Variants in COL14A1 observed in about 807,000 individuals in gnomAD.
COL14A1 encodes the protein collagen type XIV alpha 1 chain.
COL14A1 carries 136 observed loss-of-function variants against 230.3 expected under a neutral mutation model. The ratio of observed to expected loss-of-function variants is 0.59; its 90% CI spans 0.51 to 0.68. The LOEUF (loss-of-function observed/expected upper bound fraction) is 0.68, where lower values mean the gene tolerates loss of function less well. Ranked by LOEUF, COL14A1 falls within the 30% of genes least tolerant of loss-of-function variation. The probability of loss-of-function intolerance (pLI) is 0.00; values close to 1 mark genes in which losing one functional copy is unlikely to be tolerated. For missense variants in COL14A1, 1,976 were observed against 2,215.8 expected, an observed-to-expected ratio of 0.89 and a Z score of 2.17; for synonymous variants, 792 against 784.1, an observed-to-expected ratio of 1.01 and a Z score of -0.17.
At chr8:120,313,849 A>T in intron 37 of COL14A1, 83 bp from the exon 38 acceptor site, 1 of 833,798 alleles carries the variant, frequency 1.2e-6, no homozygotes, top group Non-Finnish European at 1.9e-6. Flanking sequence ...AAAACAAATT[A>T]TAATTGTCCT....
intron 40 of COL14A1, among the ~76,000 whole-genome samples, chr8:120,331,069 C>T (rs1227434928): frequency 1.0e-4 from 15 of 143,808 alleles, no homozygotes; most frequent in Admixed American, 1.0e-3. Context: ...CGTGCCATTG[C>T]ACTCCAGCCT....
chr8:120,256,030 C>T (rs1563400), intron 23 of COL14A1, among the ~76,000 whole-genome samples: 98,004 of 151,914 alleles, frequency 0.65, 32,401 homozygotes, highest in African/African-American at 0.78. Context: ...CTTTTCCCAA[C>T]ATCAGCATGG....
At chr8:120,190,024 G>A (rs1002836082) in intron 5 of COL14A1, among the ~76,000 whole-genome samples, 1 of 150,436 alleles carries the variant, frequency 6.6e-6, no homozygotes, top group Non-Finnish European at 1.5e-5. Flanking sequence ...TGGGTCAAAT[G>A]GTATTTCTAG....
Position 120,243,886 on chromosome 8 carries a change from T to C in COL14A1, c.2357T>C (p.Val786Ala). The C allele has an allele frequency of 6.2e-7, 1 of 1,613,186 alleles. No homozygotes were observed. Among genetic ancestry groups the C allele is most frequent in the Non-Finnish European group, 8.5e-7 (1 of 1,179,406 alleles). Reference sequence around the variant, plus strand: ...CTTTGCTTTTTTGTTCAGGTTATGGTGCCTGGAAGCCAGAACAACCTCCTT... The same window carrying C: ...CTTTGCTTTTTTGTTCAGGTTATGGCGCCTGGAAGCCAGAACAACCTCCTT... The part of the protein sequence containing the change: ...PEEEVIGTVM[V>A]PGSQNNLLLK... Residue 786 changes from valine (V) to alanine (A), a missense_variant, in exon 20 of 48, where the codon GTG becomes GCG. Coordinates refer to ENST00000297848, the MANE Select transcript of COL14A1 (RefSeq NM_021110.4).
intron 35 of COL14A1, 91 bp from the exon 36 acceptor site, chr8:120,300,641 A>C (rs1820681598): frequency 1.0e-6 from 1 of 954,500 alleles, no homozygotes; most frequent in Non-Finnish European, 1.6e-6. Context: ...AAATCTAAAA[A>C]TATCTTAAAT....
chr8:120,240,672 C>A (rs1818583581), intron 19 of COL14A1, among the ~76,000 whole-genome samples: 2 of 152,096 alleles, frequency 1.3e-5, no homozygotes, highest in Admixed American at 1.3e-4. Flanking sequence ...TGAAGTTGGA[C>A]AATAGTGTAT....
chr8:120,216,594 ATTAT>A, intron 14 of COL14A1, 104 bp downstream of exon 14: 1 of 1,184,932 alleles, frequency 8.4e-7, no homozygotes, highest in South Asian at 1.7e-5. Context: ...AATAATAGTA[ATTAT>A]TTATTGTCTC....
rs540099808 is a variant in COL14A1, at chr8:120,339,099, C to T, written c.4786-2226C>T. Among the ~76,000 whole-genome samples, 22 of 152,316 alleles carry T rather than the reference C, an allele frequency of 1.4e-4. 1 individual carries two copies. The South Asian group carries it at 4.1e-3, about 29-fold the overall frequency. On this transcript the variant is annotated intron_variant, in intron 42 of 47. Coordinates refer to ENST00000297848, the MANE Select transcript of COL14A1 (RefSeq NM_021110.4). ...TCAGCCTCCCGAGTAGCTGGGACTA[C>T]AGGCGTGTGCCACCACAGGCACGCG...
chr8:120,196,305 G>A lies in COL14A1; in HGVS notation c.437-486G>A, dbSNP rs917720019. The stretch of plus-strand genomic sequence containing the variant: ...TCTGTACCTTTGTTGGATTAAATAC[G>A]TGGCTGTAATGTTTCCTTGAATTCA... On this transcript the variant is annotated intron_variant, in intron 5 of 47. Transcript: ENST00000297848. Among the ~76,000 whole-genome samples, 4 of 152,086 alleles carry A rather than the reference G, an allele frequency of 2.6e-5. No individual in the cohort carries two copies. The South Asian group carries it at 6.2e-4, about 24-fold the overall frequency.
intron 5 of COL14A1, among the ~76,000 whole-genome samples, chr8:120,185,360 C>T (rs925342649): frequency 6.6e-6 from 1 of 152,098 alleles, no homozygotes; most frequent in African/African-American, 2.4e-5. Flanking sequence ...TTTAGAAGAC[C>T]TGTTGTGGCT....
At chr8:120,330,791 G>A (rs1320900758) in intron 40 of COL14A1, among the ~76,000 whole-genome samples, 3 of 152,126 alleles carry the variant, frequency 2.0e-5, no homozygotes, top group African/African-American at 7.2e-5. Context: ...GAGACATAAT[G>A]TGAGTCTGGA....
At chr8:120,223,075 G>A in intron 14 of COL14A1, among the ~76,000 whole-genome samples, 1 of 152,136 alleles carries the variant, frequency 6.6e-6, no homozygotes, top group East Asian at 1.9e-4. Flanking sequence ...ATGTGCTAAG[G>A]CCCTGAGGTG....
At chr8:120,165,752 C>T (rs905564286) in intron 4 of COL14A1, among the ~76,000 whole-genome samples, 11 of 152,120 alleles carry the variant, frequency 7.2e-5, no homozygotes, top group Admixed American at 1.3e-4. Flanking sequence ...ATATGGAGGG[C>T]ACCTCTTCAA....
chr8:120,196,181 C>T (rs184232576), intron 5 of COL14A1, among the ~76,000 whole-genome samples: 17 of 152,348 alleles, frequency 1.1e-4, no homozygotes, highest in Non-Finnish European at 4.4e-5. Flanking sequence ...TTTACTGTCA[C>T]ATACACATAA....
intron 1 of COL14A1, among the ~76,000 whole-genome samples, chr8:120,143,053 A>G (rs1329737913): frequency 6.6e-6 from 1 of 152,204 alleles, no homozygotes; most frequent in African/African-American, 2.4e-5. Context: ...AGCTATATTA[A>G]TCTACCCCAC....
chr8:120,216,962 C>T (rs749957212), intron 14 of COL14A1, among the ~76,000 whole-genome samples: 1 of 152,172 alleles, frequency 6.6e-6, no homozygotes, highest in African/African-American at 2.4e-5. Flanking sequence ...CTATCACACT[C>T]CATTAGTATG....
At chr8:120,248,805 T>C (rs902215133) in intron 21 of COL14A1, among the ~76,000 whole-genome samples, 16 of 151,614 alleles carry the variant, frequency 1.1e-4, no homozygotes, top group Non-Finnish European at 2.4e-4. Context: ...CAGTGAGCTG[T>C]GATCACACCA....
chr8:120,342,957 T>TA (rs1304025258), intron 44 of COL14A1, among the ~76,000 whole-genome samples: 1 of 152,218 alleles, frequency 6.6e-6, no homozygotes, highest in Admixed American at 6.5e-5. Flanking sequence ...TTTATGAAAA[T>TA]ACAAACACAC....
intron 5 of COL14A1, among the ~76,000 whole-genome samples, chr8:120,179,524 T>C (rs1166603672): frequency 1.3e-5 from 2 of 152,120 alleles, no homozygotes; most frequent in African/African-American, 4.8e-5. Flanking sequence ...AAATTACCGC[T>C]CAAGGAAATA....
Sources: gnomAD v4.1 joint callset for allele counts (sites outside exome capture counted in the v4.1 genomes callset) on GRCh38, gnomAD v4.1.1 for gene constraint, MANE v1.5 for transcripts, NCBI Gene and HGNC (gene_info 2026-07-23, HGNC 2026-07-21) for gene names.